The following SPATS2L variants were observed in gnomAD, a reference collection of about 807,000 sequenced individuals.
The protein encoded by SPATS2L is SPATS2-like protein.
SPATS2L carries 30 observed loss-of-function variants against 59.6 expected under a neutral mutation model. That is an observed-to-expected ratio of 0.50 (90% confidence interval 0.38 to 0.68). SPATS2L has a LOEUF of 0.68. Ranked by LOEUF, SPATS2L falls within the 30% of genes least tolerant of loss-of-function variation. The pLI, the probability that SPATS2L is intolerant of heterozygous loss-of-function variation, is 0.00. For missense variants in SPATS2L, 615 were observed against 700.0 expected (o/e 0.88, Z 1.37); for synonymous variants, 252 against 263.5 (o/e 0.96, Z 0.42).
In SPATS2L at chr2:200,426,082, C is replaced by CTT. The variant is rs769997762; in HGVS notation, c.445+6611_445+6612dup. Reference sequence around the variant, plus strand: ...ATAGAATTATAACCATAGGTTTTTACTTTTTTTTTTTTTTTTTTTTTTTTT... The same window carrying CTT: ...ATAGAATTATAACCATAGGTTTTTACTTTTTTTTTTTTTTTTTTTTTTTTTTT... On this transcript the variant is annotated intron_variant, in intron 6 of 12. Transcript: ENST00000409140. Among the ~76,000 whole-genome samples the CTT allele has an allele frequency of 3.9e-4, 24 of 62,316 alleles. 1 individual carries two copies. The highest frequency in any genetic ancestry group is 1.6e-3 in the South Asian group (2 of 1,262). 40.9% of individuals were successfully genotyped at this position (62,316 alleles called of 152,430 possible).
intron 1 of SPATS2L, among the ~76,000 whole-genome samples, chr2:200,325,235 C>G (rs1445690261): frequency 6.6e-6 from 1 of 152,124 alleles, no homozygotes; most frequent in East Asian, 1.9e-4. Context: ...ATTGTGATAG[C>G]TGTGGTTTCT....
At chr2:200,440,587 T>C in intron 7 of SPATS2L, 62 bp from the exon 8 acceptor site, 3 of 1,521,466 alleles carry the variant, frequency 2.0e-6, no homozygotes, top group South Asian at 1.2e-5. Context: ...TGTTTTGTTG[T>C]TTAGCTTACA....
intron 3 of SPATS2L, among the ~76,000 whole-genome samples, chr2:200,396,105 A>C (rs1279569553): frequency 7.0e-6 from 1 of 142,846 alleles, no homozygotes; most frequent in Non-Finnish European, 1.5e-5. Flanking sequence ...AAAAGTAAAA[A>C]GACCAAATGA....
In SPATS2L at chr2:200,412,386, A is replaced by C; in HGVS notation, c.115A>C (p.Asn39His). Residue 39 changes from asparagine to histidine, a missense_variant, in exon 4 of 13, where the codon AAT becomes CAT. By Grantham distance (68) the Asn-to-His change is moderately conservative. This residue lies in a region of SPATS2L where 227 missense variants were observed against 257.4 expected (regional missense o/e 0.88). Coordinates refer to ENST00000409140, the MANE Select transcript of SPATS2L (RefSeq NM_001100423.2). ...CCTGGTGCTCCAACAGTTTGATTTT[A>C]ATGTGGATAAAGCCGTGCAAGCCTT... ...IVLVLQQFDF[N>H]VDKAVQAFVD... The C allele has an allele frequency of 6.2e-7, 1 of 1,608,378 alleles. No individual in the cohort carries two copies. The highest frequency in any genetic ancestry group is 8.5e-7 in the Non-Finnish European group (1 of 1,177,244).
chr2:200,374,333 A>G (rs1282922022), intron 2 of SPATS2L, among the ~76,000 whole-genome samples: 1 of 152,158 alleles, frequency 6.6e-6, no homozygotes, highest in Non-Finnish European at 1.5e-5. Context: ...GATCATTGCC[A>G]GTATTGCCTC....
At chr2:200,397,731 G>A (rs2082400664) in intron 3 of SPATS2L, among the ~76,000 whole-genome samples, 2 of 151,904 alleles carry the variant, frequency 1.3e-5, no homozygotes, top group South Asian at 4.1e-4. Flanking sequence ...ATTGTCTAAT[G>A]GTAATTCTCA....
intron 2 of SPATS2L, among the ~76,000 whole-genome samples, chr2:200,356,271 A>G (rs576972548): frequency 1.7e-4 from 26 of 152,342 alleles, no homozygotes; most frequent in African/African-American, 6.3e-4. Context: ...ATAAACATGC[A>G]TAAAAGCACA....
intron 8 of SPATS2L, among the ~76,000 whole-genome samples, chr2:200,458,119 A>G (rs1211938816): frequency 6.6e-6 from 1 of 152,246 alleles, no homozygotes; most frequent in African/African-American, 2.4e-5. Flanking sequence ...GGGAGAATCA[A>G]GCATTCATCC....
chr2:200,381,603 GTAA>G (rs1235647808), intron 2 of SPATS2L, among the ~76,000 whole-genome samples: 1 of 152,192 alleles, frequency 6.6e-6, no homozygotes, highest in Non-Finnish European at 1.5e-5. Flanking sequence ...TCTTCCAGAG[GTAA>G]TATATTGCAT....
At chr2:200,309,734 A>G (rs1324494409) in intron 1 of SPATS2L, among the ~76,000 whole-genome samples, 1 of 152,264 alleles carries the variant, frequency 6.6e-6, no homozygotes, top group African/African-American at 2.4e-5. Context: ...TTAAAAACCC[A>G]GTAAACATAA....
At chr2:200,388,090 A>C (rs78168494) in intron 2 of SPATS2L, among the ~76,000 whole-genome samples, 3 of 152,226 alleles carry the variant, frequency 2.0e-5, no homozygotes, top group Non-Finnish European at 4.4e-5. Context: ...AGATTATGAA[A>C]TTATGGACAA....
At chr2:200,425,063 C>T (rs945211920) in intron 6 of SPATS2L, among the ~76,000 whole-genome samples, 1 of 151,052 alleles carries the variant, frequency 6.6e-6, no homozygotes, top group African/African-American at 2.4e-5. Context: ...GCTTTCTCAT[C>T]CTCAAGTGAA....
At chr2:200,321,611 TC>T (rs1242591832) in intron 1 of SPATS2L, among the ~76,000 whole-genome samples, 1 of 152,242 alleles carries the variant, frequency 6.6e-6, no homozygotes, top group Non-Finnish European at 1.5e-5. Flanking sequence ...TTAATGTTAT[TC>T]TATGGATAAA....
intron 2 of SPATS2L, among the ~76,000 whole-genome samples, chr2:200,337,197 G>A (rs1291897935): frequency 6.6e-6 from 1 of 152,162 alleles, no homozygotes; most frequent in Admixed American, 6.5e-5. Context: ...ACTGCAGGAA[G>A]GTTTGTAGGT....
At chr2:200,453,844 G>T (rs985514913) in intron 8 of SPATS2L, among the ~76,000 whole-genome samples, 2 of 152,216 alleles carry the variant, frequency 1.3e-5, no homozygotes, top group African/African-American at 4.8e-5. Context: ...AAGCCTGGCT[G>T]TAGGGCTTAT....
chr2:200,406,372 C>G (rs2082687091), intron 3 of SPATS2L, among the ~76,000 whole-genome samples: 1 of 149,932 alleles, frequency 6.7e-6, no homozygotes, highest in African/African-American at 2.5e-5. Context: ...ACCATACTTG[C>G]TCTAGAAAAT....
At chr2:200,323,830 G>A (rs2079642063) in intron 1 of SPATS2L, among the ~76,000 whole-genome samples, 1 of 152,074 alleles carries the variant, frequency 6.6e-6, no homozygotes, top group Admixed American at 6.5e-5. Context: ...AAGACTATAA[G>A]GTAGAAAAAA....
chr2:200,345,991 C>A (rs982593278), intron 2 of SPATS2L, among the ~76,000 whole-genome samples: 3 of 152,174 alleles, frequency 2.0e-5, no homozygotes, highest in Non-Finnish European at 1.5e-5. Flanking sequence ...AACCTCTCAG[C>A]CTCTTCCTTT....
intron 2 of SPATS2L, among the ~76,000 whole-genome samples, chr2:200,351,712 A>AT (rs3835863): frequency 0.24 from 37,028 of 151,488 alleles, 5,723 homozygotes; most frequent in South Asian, 0.36. Context: ...ATAGATTGAG[A>AT]TTTTTTTTTG....
Sources: gnomAD v4.1 joint callset for allele counts (sites outside exome capture counted in the v4.1 genomes callset) on GRCh38, gnomAD v4.1.1 for gene constraint, gnomAD v4.1.1 regional missense constraint, MANE v1.5 for transcripts, NCBI Gene and HGNC (gene_info 2026-07-23, HGNC 2026-07-21) for gene names.